PCDHGA4: variants seen among roughly 807,000 people sequenced by gnomAD.
The protein encoded by PCDHGA4 is protocadherin gamma-A4.
In PCDHGA4, 38 loss-of-function variants were observed where a neutral mutation model predicts 54.6. The ratio of observed to expected loss-of-function variants is 0.70; its 90% CI spans 0.54 to 0.91. The LOEUF is 0.91. Among genes scored for constraint, PCDHGA4 ranks in the 40% least tolerant of loss-of-function variants. The pLI is 0.00. For missense variants in PCDHGA4, 1,298 were observed against 1,220.9 expected, an observed-to-expected ratio of 1.06 and a Z score of -0.94; for synonymous variants, 511 against 512.9, an observed-to-expected ratio of 1.00 and a Z score of 0.05.
chr5:141,390,537 A>G (rs565157857), intron 1 of PCDHGA4: 629 of 520,554 alleles, frequency 1.2e-3, no homozygotes, highest in Non-Finnish European at 1.9e-3. Context: ...GGTTTTAACC[A>G]CAAAGTGAAA....
At chr5:141,433,332 T>C (rs1344429296) in intron 1 of PCDHGA4, 7 of 694,580 alleles carry the variant, frequency 1.0e-5, no homozygotes, top group Non-Finnish European at 1.7e-5. Context: ...TAACAGGGAC[T>C]ACAGGTGCAA....
At chr5:141,459,694 T>A (rs767389870) in intron 1 of PCDHGA4, among the ~76,000 whole-genome samples, 1 of 152,252 alleles carries the variant, frequency 6.6e-6, no homozygotes, top group Non-Finnish European at 1.5e-5. Context: ...AGCGTTCCGC[T>A]TGCTACATTT....
intron 1 of PCDHGA4, chr5:141,422,585 T>C (rs1193597044): frequency 1.2e-6 from 2 of 1,613,930 alleles, no homozygotes; most frequent in African/African-American, 2.7e-5. Context: ...CCTCCCGTTT[T>C]TCCTCACTCC....
chr5:141,382,856 G>A, intron 1 of PCDHGA4: 1 of 1,504,886 alleles, frequency 6.6e-7, no homozygotes, highest in Non-Finnish European at 8.9e-7. Context: ...GCATTCTGAA[G>A]CACTTCCCGA....
intron 1 of PCDHGA4, chr5:141,407,920 C>T: frequency 2.1e-6 from 1 of 475,788 alleles, no homozygotes; most frequent in Non-Finnish European, 3.6e-6. Context: ...GCTGCTGTCC[C>T]GCACGGAGCC....
intron 1 of PCDHGA4, chr5:141,423,357 C>T: frequency 6.2e-7 from 1 of 1,614,214 alleles, no homozygotes; most frequent in Non-Finnish European, 8.5e-7. Context: ...TCTTTGTCAT[C>T]GTGCTGCTGG....
intron 1 of PCDHGA4, among the ~76,000 whole-genome samples, chr5:141,458,982 C>G (rs2098958289): frequency 6.6e-6 from 1 of 152,164 alleles, no homozygotes; most frequent in Admixed American, 6.5e-5. Flanking sequence ...GTCCTCCTGC[C>G]TCACCCTCCC....
chr5:141,361,116 A>G, intron 1 of PCDHGA4: 1 of 1,614,026 alleles, frequency 6.2e-7, no homozygotes, highest in Non-Finnish European at 8.5e-7. Context: ...CTGGAGATCT[A>G]GCAGCCCACT....
In PCDHGA4 at chr5:141,476,850, A is replaced by G. The variant is rs747333239; in HGVS notation, c.2515-17957A>G. The G allele has an allele frequency of 1.2e-6, 2 of 1,613,836 alleles. No individual in the cohort carries two copies. Among genetic ancestry groups the G allele is most frequent in the Admixed American group, 3.3e-5 (2 of 60,030 alleles). ...GCGAATGACAATGCGCCTGTCTTCA[A>G]CCAGTCCTTGTACCGGGCGCGCGTC... is the stretch of plus-strand genomic sequence containing the variant. On this transcript the variant is annotated intron_variant, in intron 1 of 3. Transcript: ENST00000571252. The surrounding 1 kb of genome is among the most constrained non-coding windows in gnomAD (Gnocchi z 7.6).
In PCDHGA4 at chr5:141,383,993, T is replaced by G. The variant is rs1779669421; in HGVS notation, c.2514+26372T>G. The G allele has an allele frequency of 3.7e-6, 6 of 1,613,872 alleles. No individual in the cohort carries two copies. The highest frequency in any genetic ancestry group is 1.6e-4 in the Middle Eastern group (1 of 6,062). ...CCTGAAGACACACCTCTTGGGACAG[T>G]CATTGCTCTTTTCTACCTACAAGAC... On this transcript the variant is annotated intron_variant, in intron 1 of 3. Transcript: ENST00000571252.
rs2096663485 is a variant in PCDHGA4, at chr5:141,422,674, A to G, written c.2514+65053A>G. 3 of 1,606,698 alleles carry G rather than the reference A, an allele frequency of 1.9e-6. No individual in the cohort carries two copies. The East Asian group carries it at 6.7e-5, about 36-fold the overall frequency. On this transcript the variant is annotated intron_variant, in intron 1 of 3. Transcript: ENST00000571252. ...AGTGACCGCCCTCGACCCGGACAGC[A>G]AACAGAATGCCCTGGTCACTTACTC...
chr5:141,364,405 G>T, intron 1 of PCDHGA4: 1 of 1,609,906 alleles, frequency 6.2e-7, no homozygotes, highest in Non-Finnish European at 8.5e-7. Flanking sequence ...CGCTGTGCGA[G>T]CCAGGATCCG....
At chr5:141,419,922 T>C (rs761868361) in intron 1 of PCDHGA4, 1 of 1,614,090 alleles carries the variant, frequency 6.2e-7, no homozygotes, top group South Asian at 1.1e-5. Flanking sequence ...CAGGCTGAGA[T>C]GCAGTTTTAC....
chr5:141,424,018 CACAA>C (rs909442976), intron 1 of PCDHGA4: 3 of 1,051,682 alleles, frequency 2.9e-6, no homozygotes, highest in South Asian at 4.6e-5. Context: ...ATTAATGATT[CACAA>C]ACACTTTTTA....
At chr5:141,396,795 G>T (rs1022475514) in intron 1 of PCDHGA4, among the ~76,000 whole-genome samples, 1 of 152,180 alleles carries the variant, frequency 6.6e-6, no homozygotes, top group Admixed American at 6.5e-5. Context: ...ATTTCCTAAG[G>T]ATTGTGTAGT....
At chr5:141,381,854 A>T (rs1588908690) in intron 1 of PCDHGA4, among the ~76,000 whole-genome samples, 9 of 54,602 alleles carry the variant, frequency 1.6e-4, no homozygotes, top group South Asian at 5.1e-4. Context: ...TTTTTGGCAG[A>T]GTTTTGCTCT....
intron 2 of PCDHGA4, 141 bp downstream of exon 2, chr5:141,495,006 G>C (rs1030195663): frequency 2.0e-6 from 3 of 1,521,446 alleles, no homozygotes; most frequent in Non-Finnish European, 8.8e-7. Flanking sequence ...CTTGGTGTGC[G>C]GGGGGCTGGC....
At chr5:141,409,069 A>G (rs886525915) in intron 1 of PCDHGA4, 5 of 1,614,008 alleles carry the variant, frequency 3.1e-6, no homozygotes, top group Non-Finnish European at 4.2e-6. Context: ...AGAGCACAAA[A>G]CATATGTTCT....
At chr5:141,403,662 A>T in intron 1 of PCDHGA4, 1 of 1,613,902 alleles carries the variant, frequency 6.2e-7, no homozygotes, top group Non-Finnish European at 8.5e-7. Context: ...GATACAAATG[A>T]TAATGCCCCG....
Sources: gnomAD v4.1 joint callset for allele counts (sites outside exome capture counted in the v4.1 genomes callset) on GRCh38, gnomAD v4.1.1 for gene constraint, Gnocchi (gnomAD v3.1) non-coding constraint, MANE v1.5 for transcripts, NCBI Gene and HGNC (gene_info 2026-07-23, HGNC 2026-07-21) for gene names.